Variants in DTNB observed in about 807,000 individuals in gnomAD.
The protein encoded by DTNB is DTN-B.
Under a neutral mutation model 90.7 loss-of-function variants are expected in DTNB, and 63 were observed. That is an observed-to-expected ratio of 0.69 (90% CI 0.57 to 0.86). The LOEUF (loss-of-function observed/expected upper bound fraction) is 0.86. Ranked by LOEUF, DTNB falls within the 40% of genes least tolerant of loss-of-function variation. The probability of loss-of-function intolerance (pLI) is 0.00; values close to 1 mark genes in which losing one functional copy is unlikely to be tolerated. For missense variants in DTNB, 744 were observed against 807.1 expected, an observed-to-expected ratio of 0.92 and a Z score of 0.95; for synonymous variants, 277 against 286.7, an observed-to-expected ratio of 0.97 and a Z score of 0.34.
At chr2:25,577,479 A>T (rs1350628980) in intron 7 of DTNB, among the ~76,000 whole-genome samples, 1 of 152,076 alleles carries the variant, frequency 6.6e-6, no homozygotes, top group Non-Finnish European at 1.5e-5. Context: ...TAAAGAATCT[A>T]AATTGTCTGC....
At chr2:25,508,492 CTTTT>C (rs2073045762) in intron 9 of DTNB, among the ~76,000 whole-genome samples, 3 of 139,800 alleles carry the variant, frequency 2.1e-5, no homozygotes, top group Non-Finnish European at 4.6e-5. Context: ...TTTAACATTT[CTTTT>C]TTGTTTGTTT....
intron 8 of DTNB, among the ~76,000 whole-genome samples, chr2:25,536,362 G>T (rs1212683773): frequency 2.0e-5 from 3 of 152,216 alleles, no homozygotes; most frequent in Non-Finnish European, 4.4e-5. Flanking sequence ...CAGCTGGGAG[G>T]TGGAGGTTGT....
chr2:25,407,270 A>G (rs1427725978), intron 16 of DTNB, among the ~76,000 whole-genome samples: 1 of 152,212 alleles, frequency 6.6e-6, no homozygotes, highest in Non-Finnish European at 1.5e-5. Context: ...ATCCAAAAAC[A>G]ATATACTTTG....
At chr2:25,570,962 G>A (rs761253613) in intron 8 of DTNB, among the ~76,000 whole-genome samples, 17 of 152,048 alleles carry the variant, frequency 1.1e-4, no homozygotes, top group Non-Finnish European at 2.4e-4. Flanking sequence ...CCATATGGAC[G>A]GATATCTAAT....
chr2:25,396,959 G>C, intron 16 of DTNB, among the ~76,000 whole-genome samples: 1 of 151,898 alleles, frequency 6.6e-6, no homozygotes, highest in East Asian at 1.9e-4. Flanking sequence ...TAAGATAAAA[G>C]GGATAAATTT....
chr2:25,555,423 GA>G (rs1280358977), intron 8 of DTNB, among the ~76,000 whole-genome samples: 2 of 151,586 alleles, frequency 1.3e-5, no homozygotes, highest in East Asian at 1.9e-4. Context: ...TTCAAAAAAG[GA>G]TAACTCAGAC....
At chr2:25,397,877 CAAAA>C (rs56318909) in intron 16 of DTNB, among the ~76,000 whole-genome samples, 2 of 73,138 alleles carry the variant, frequency 2.7e-5, no homozygotes, top group Admixed American at 1.5e-4. Context: ...AAGACTGTCT[CAAAA>C]AAAAAAAAAA....
At chr2:25,500,022 A>G (rs972494431) in intron 9 of DTNB, among the ~76,000 whole-genome samples, 11 of 152,218 alleles carry the variant, frequency 7.2e-5, no homozygotes, top group African/African-American at 2.4e-4. Flanking sequence ...CAGCCTCCCA[A>G]GTAACTTGGA....
intron 10 of DTNB, among the ~76,000 whole-genome samples, chr2:25,469,790 T>C (rs1200136554): frequency 6.6e-6 from 1 of 152,148 alleles, no homozygotes; most frequent in Non-Finnish European, 1.5e-5. Flanking sequence ...AATGAGATGC[T>C]CCTGAGTTTT....
At chr2:25,463,870 T>A (rs2061383731) in intron 10 of DTNB, among the ~76,000 whole-genome samples, 1 of 152,198 alleles carries the variant, frequency 6.6e-6, no homozygotes, top group African/African-American at 2.4e-5. Flanking sequence ...GAGAAATAAT[T>A]ACAGGCATGT....
chr2:25,626,220 T>C (rs560727359), intron 4 of DTNB, among the ~76,000 whole-genome samples: 3 of 152,376 alleles, frequency 2.0e-5, no homozygotes, highest in Admixed American at 2.0e-4. Flanking sequence ...TTTTAATTTC[T>C]GACTTTAAAA....
intron 4 of DTNB, among the ~76,000 whole-genome samples, chr2:25,611,319 C>A (rs977914795): frequency 6.6e-5 from 10 of 152,074 alleles, no homozygotes; most frequent in Admixed American, 6.6e-4. Flanking sequence ...CAAATAAATA[C>A]TTGTTGACTT....
chr2:25,551,387 TC>T (rs2083625944), intron 8 of DTNB, among the ~76,000 whole-genome samples: 1 of 152,164 alleles, frequency 6.6e-6, no homozygotes, highest in Non-Finnish European at 1.5e-5. Flanking sequence ...GTGCTAGGCT[TC>T]CCCTGGATTT....
intron 10 of DTNB, among the ~76,000 whole-genome samples, chr2:25,462,445 T>C (rs898692488): frequency 6.6e-6 from 1 of 152,122 alleles, no homozygotes; most frequent in African/African-American, 2.4e-5. Context: ...CAGGAGGCAG[T>C]GGAATACAGC....
chr2:25,515,412 T>C (rs2074883542), intron 9 of DTNB, among the ~76,000 whole-genome samples: 1 of 152,144 alleles, frequency 6.6e-6, no homozygotes, highest in Non-Finnish European at 1.5e-5. Flanking sequence ...GATCATATGG[T>C]ACAGCTATAA....
At chr2:25,497,700 C>T (rs1373721122) in intron 9 of DTNB, 1 of 152,214 alleles carries the variant, frequency 6.6e-6, no homozygotes, top group African/African-American at 2.4e-5. Flanking sequence ...ATGGATGTCT[C>T]TGACAGGGTA....
At chr2:25,490,954 G>A (rs541058369) in intron 9 of DTNB, among the ~76,000 whole-genome samples, 159 of 151,782 alleles carry the variant, frequency 1.0e-3, no homozygotes, top group African/African-American at 3.7e-3. Flanking sequence ...TGGAATTATG[G>A]GAATTATGGG....
intron 9 of DTNB, among the ~76,000 whole-genome samples, chr2:25,511,394 C>T (rs1371246533): frequency 1.3e-5 from 2 of 152,072 alleles, no homozygotes; most frequent in South Asian, 2.1e-4. Flanking sequence ...GTGCAATGCG[C>T]GATCTTGACT....
rs377451096 is a variant in DTNB at position 25,579,957 on chromosome 2, GA to G, written c.709+763del. ...TAGCTGAAGTTGTATGATCTGATATGACTACTATAGTATCCTTTCTTTTTTT... is the reference window on the plus strand; with the variant it reads ...TAGCTGAAGTTGTATGATCTGATATGCTACTATAGTATCCTTTCTTTTTTT... On this transcript the variant is annotated intron_variant, in intron 7 of 20. Transcript: ENST00000406818. 1.1e-3 allele frequency among the ~76,000 whole-genome samples: 161 copies of G among 145,800 alleles called. 1 individual carries two copies. Among genetic ancestry groups the G allele is most frequent in the African/African-American group, 3.8e-3 (151 of 39,804 alleles).
Sources: gnomAD v4.1 joint callset for allele counts (sites outside exome capture counted in the v4.1 genomes callset) on GRCh38, gnomAD v4.1.1 for gene constraint, MANE v1.5 for transcripts, NCBI Gene and HGNC (gene_info 2026-07-23, HGNC 2026-07-21) for gene names.